Variants in SNAPC3 observed in about 807,000 individuals in gnomAD.
The protein encoded by SNAPC3 is small nuclear RNA activating complex polypeptide 3, also known as snRNA-activating protein complex subunit 3.
Under a neutral mutation model 47.7 loss-of-function variants are expected in SNAPC3, and 56 were observed. The ratio of observed to expected loss-of-function variants is 1.18; its 90% CI spans 0.95 to 1.47. SNAPC3 has a LOEUF of 1.47. Ranked by LOEUF, SNAPC3 falls within the 40% of genes most tolerant of loss-of-function variation. The pLI is 0.00. For synonymous variants in SNAPC3, 235 were observed against 189.9 expected, an observed-to-expected ratio of 1.24 and a Z score of -1.95; for missense variants, 665 against 511.3, an observed-to-expected ratio of 1.30 and a Z score of -2.90.
At chr9:15,425,706 G>T (rs545335090) in intron 2 of SNAPC3, among the ~76,000 whole-genome samples, 2 of 152,242 alleles carry the variant, frequency 1.3e-5, no homozygotes, top group South Asian at 4.1e-4. Flanking sequence ...GCTCCAATTG[G>T]TGCTCTGTAA....
chr9:15,458,757 CAT>C (rs1049550999), intron 8 of SNAPC3, among the ~76,000 whole-genome samples: 3 of 151,960 alleles, frequency 2.0e-5, no homozygotes, highest in South Asian at 2.1e-4. Flanking sequence ...CTATAAAAAA[CAT>C]ATAAAAAAAA....
intron 3 of SNAPC3, among the ~76,000 whole-genome samples, chr9:15,435,841 T>TTCC (rs2032735210): frequency 2.3e-5 from 1 of 43,238 alleles, no homozygotes; most frequent in Admixed American, 3.3e-4. Context: ...CTTACTTTTC[T>TTCC]TTCTTTTTTT....
At chr9:15,465,572 C>T, downstream of SNAPC3, 1 of 1,582,058 alleles carries the variant, frequency 6.3e-7, no homozygotes, top group Non-Finnish European at 8.7e-7. Context: ...TCTCTCTTCA[C>T]TGGATGGCCT....
intron 6 of SNAPC3, among the ~76,000 whole-genome samples, chr9:15,452,717 G>T (rs1187761438): frequency 6.6e-6 from 1 of 152,168 alleles, no homozygotes; most frequent in Admixed American, 6.5e-5. Context: ...TTGAAACTAA[G>T]AAGTATTTGA....
At chr9:15,439,862 A>T (rs10123651) in intron 3 of SNAPC3, among the ~76,000 whole-genome samples, 10,417 of 152,258 alleles carry the variant, frequency 0.068, 470 homozygotes, top group African/African-American at 0.13. Context: ...TAAAATTGAA[A>T]CAACTTACTT....
rs1208014629 is a variant in SNAPC3, at chr9:15,423,989, A to G, written c.392+3A>G. On this transcript the variant is annotated splice_donor_region_variant and intron_variant, in intron 2 of 8. Transcript: ENST00000380821. ...AATACTGACCTGGTGACTTTGGGGT[A>G]TGGAGGACTTGGTTTTTATGACCTA... 8 of 1,539,620 alleles carry G rather than the reference A, an allele frequency of 5.2e-6. No homozygotes were observed. Among genetic ancestry groups the G allele is most frequent in the Non-Finnish European group, 7.0e-6 (8 of 1,139,520 alleles).
intron 3 of SNAPC3, among the ~76,000 whole-genome samples, chr9:15,434,364 G>C (rs2131800527): frequency 6.7e-6 from 1 of 149,758 alleles, no homozygotes; most frequent in South Asian, 2.1e-4. Context: ...GTCTATTCTA[G>C]ATATCTCATG....
downstream of SNAPC3, chr9:15,466,608 T>C: frequency 1.6e-6 from 1 of 621,878 alleles, no homozygotes; most frequent in Admixed American, 3.9e-5. Flanking sequence ...CCTTTTTGAA[T>C]TGTAACTTGC....
chr9:15,460,922 AAAC>A lies in SNAPC3; in HGVS notation c.*1059_*1061del, dbSNP rs2035162367. The A allele has an allele frequency of 6.6e-6, 1 of 152,238 alleles. No individual in the cohort carries two copies. Among genetic ancestry groups the A allele is most frequent in the Non-Finnish European group, 1.5e-5 (1 of 68,044 alleles). The allele number at this position is 152,238 out of a possible 1,614,324, so 9.4% of individuals were successfully genotyped here. A position where few individuals can be genotyped will look rare whatever the true frequency, so the allele number is the denominator to read the frequency against. ...TGTCAATTTAATACTATGATTTAAA[AAAC>A]AATAGCAGATTTCGTATGACTGTGG... On this transcript the variant is annotated 3_prime_UTR_variant, in exon 9 of 9. Transcript: ENST00000380821.
chr9:15,457,110 T>G (rs1361684809), intron 7 of SNAPC3, among the ~76,000 whole-genome samples: 1 of 152,168 alleles, frequency 6.6e-6, no homozygotes, highest in South Asian at 2.1e-4. Context: ...TAATAAAAAT[T>G]ATGAAACTTC....
intron 2 of SNAPC3, among the ~76,000 whole-genome samples, chr9:15,427,701 C>G (rs958493362): frequency 6.6e-6 from 1 of 152,138 alleles, no homozygotes; most frequent in African/African-American, 2.4e-5. Context: ...CTGCCCATCC[C>G]CCTCACTTTT....
chr9:15,446,596 T>G (rs1323013299), intron 4 of SNAPC3, among the ~76,000 whole-genome samples: 1 of 152,080 alleles, frequency 6.6e-6, no homozygotes. Context: ...TTACATTTCC[T>G]TAGAGGAGGG....
At position 15,444,796 on chromosome 9, in the gene SNAPC3, A is replaced by T. The variant is rs541082400; in HGVS notation, c.582+90A>T. 56 of 696,652 alleles carry T rather than the reference A, an allele frequency of 8.0e-5. 1 individual carries two copies. Among genetic ancestry groups the T allele is most frequent in the Admixed American group, 8.2e-5 (3 of 36,748 alleles). The allele number at this position is 696,652 out of a possible 1,614,324, so 43.2% of individuals were successfully genotyped here. The stretch of plus-strand genomic sequence containing the variant: ...TGAAGAGTCATATTCCTATGCTTAC[A>T]TTAAAAATAAACACTCTGGGAGTGG... On this transcript the variant is annotated intron_variant, in intron 4 of 8. Transcript: ENST00000380821.
chr9:15,440,536 A>T (rs2033231781), intron 3 of SNAPC3, among the ~76,000 whole-genome samples: 1 of 152,306 alleles, frequency 6.6e-6, no homozygotes, highest in South Asian at 2.1e-4. Context: ...AAAGTAAAAA[A>T]ATTTAAAAGC....
intron 3 of SNAPC3, among the ~76,000 whole-genome samples, chr9:15,441,383 C>CTTTTTCTTTTTTTT (rs2033351598): frequency 1.7e-5 from 1 of 59,574 alleles, no homozygotes; most frequent in African/African-American, 6.1e-5. Flanking sequence ...GTTCCCTTTT[C>CTTTTTCTTTTTTTT]TTTTTTTTTT....
Position 15,444,633 on chromosome 9 carries a change from A to G in SNAPC3, c.509A>G (p.Asn170Ser). Residue 170 changes from asparagine to serine, a missense_variant, in exon 4 of 9, where the codon AAT becomes AGT. By Grantham distance (46) the Asn-to-Ser change is conservative (BLOSUM62 1). Transcript: ENST00000380821. ...CATGCCATAGGAAAAAAGCCTGAAA[A>G]TTCAGCAGACATGATTGAAGAAGGG... Reference protein sequence around the residue: ...ESHAIGKKPENSADMIEEGEL... With the variant: ...ESHAIGKKPESSADMIEEGEL... 6.2e-7 allele frequency: 1 copy of G among 1,612,936 alleles called. No individual in the cohort carries two copies. Among genetic ancestry groups the G allele is most frequent in the Admixed American group, 1.7e-5 (1 of 60,008 alleles).
intron 4 of SNAPC3, among the ~76,000 whole-genome samples, chr9:15,445,157 G>A (rs1454806928): frequency 2.6e-5 from 4 of 152,122 alleles, no homozygotes; most frequent in Admixed American, 6.6e-5. Flanking sequence ...CTATAATCTT[G>A]TGCCATCTGT....
intron 1 of SNAPC3, among the ~76,000 whole-genome samples, chr9:15,423,493 C>T (rs1055921473): frequency 2.0e-5 from 3 of 152,136 alleles, no homozygotes; most frequent in African/African-American, 7.2e-5. Context: ...ATCAGGGCAA[C>T]AGCGACGTGT....
At chr9:15,434,502 G>A (rs2032553467) in intron 3 of SNAPC3, among the ~76,000 whole-genome samples, 1 of 151,370 alleles carries the variant, frequency 6.6e-6, no homozygotes, top group Non-Finnish European at 1.5e-5. Context: ...CCGCCTCCTG[G>A]GTTCAAGCGA....
Sources: allele counts gnomAD v4.1 joint callset (sites outside exome capture counted in the v4.1 genomes callset), GRCh38; gene constraint gnomAD v4.1.1; transcripts MANE v1.5; gene names NCBI Gene and HGNC (gene_info 2026-07-23, HGNC 2026-07-21).